Variants in SPECC1L observed in about 807,000 individuals in gnomAD.
The protein encoded by SPECC1L is sperm antigen with calponin homology and coiled-coil domains 1 like, also known as cytospin-A.
A neutral mutation model predicts 116.8 loss-of-function variants in SPECC1L; 40 were observed. That is an observed-to-expected ratio of 0.34 (90% CI 0.27 to 0.45). SPECC1L has a LOEUF of 0.45. Ranked by LOEUF, SPECC1L falls within the 20% of genes least tolerant of loss-of-function variation. SPECC1L has a pLI of 1.00. For synonymous variants in SPECC1L, 504 were observed against 500.6 expected, an observed-to-expected ratio of 1.01 and a Z score of -0.09; for missense variants, 1,110 against 1,373.6, an observed-to-expected ratio of 0.81 and a Z score of 3.03.
intron 10 of SPECC1L, among the ~76,000 whole-genome samples, chr22:24,340,895 G>C (rs995625947): frequency 6.6e-6 from 1 of 152,084 alleles, no homozygotes; most frequent in Non-Finnish European, 1.5e-5. Context: ...GGAGTAACAG[G>C]CTGGATTATT....
chr22:24,363,680 A>T (rs1307938798), intron 12 of SPECC1L, among the ~76,000 whole-genome samples: 1 of 152,140 alleles, frequency 6.6e-6, no homozygotes, highest in East Asian at 1.9e-4. Flanking sequence ...GTTTCCTAGC[A>T]CACCACTTAA....
intron 3 of SPECC1L, among the ~76,000 whole-genome samples, chr22:24,310,126 T>C (rs2040434116): frequency 6.6e-6 from 1 of 152,250 alleles, no homozygotes; most frequent in Non-Finnish European, 1.5e-5. Flanking sequence ...TTTTGCACTC[T>C]GTTAATCTTT....
chr22:24,297,501 G>A (rs1186417051), intron 2 of SPECC1L, among the ~76,000 whole-genome samples: 1 of 152,068 alleles, frequency 6.6e-6, no homozygotes, highest in African/African-American at 2.4e-5. Context: ...AGAGCGAGAT[G>A]TTTATATATA....
chr22:24,398,275 G>T (rs2042404849), intron 14 of SPECC1L, among the ~76,000 whole-genome samples: 1 of 152,154 alleles, frequency 6.6e-6, no homozygotes, highest in Non-Finnish European at 1.5e-5. Flanking sequence ...CAGCTGGAGG[G>T]CCTTACAGAT....
Position 24,414,871 on chromosome 22 carries a change from C to T in SPECC1L, c.*248C>T, listed in dbSNP as rs989293956. 13 of 542,924 alleles carry T rather than the reference C, an allele frequency of 2.4e-5. No homozygotes were observed. The highest frequency in any genetic ancestry group is 5.1e-4 in the Middle Eastern group (1 of 1,960). The allele number at this position is 542,924 out of a possible 1,614,324, so 33.6% of individuals were successfully genotyped here. ...TGGGCTCAGCACACATCCTGCAGGC[C>T]GGTGGCTGCTGGAGTTTTCCTTCTG... On this transcript the variant is annotated 3_prime_UTR_variant, in exon 17 of 17. Coordinates refer to ENST00000314328, the MANE Select transcript of SPECC1L (RefSeq NM_015330.6).
intron 13 of SPECC1L, among the ~76,000 whole-genome samples, chr22:24,366,858 GT>G (rs1367604014): frequency 1.3e-5 from 2 of 152,156 alleles, no homozygotes; most frequent in Non-Finnish European, 2.9e-5. Flanking sequence ...AGCATACGTT[GT>G]TTATAGGGAT....
chr22:24,312,634 T>C (rs2040484625), intron 3 of SPECC1L, among the ~76,000 whole-genome samples: 1 of 152,226 alleles, frequency 6.6e-6, no homozygotes, highest in Non-Finnish European at 1.5e-5. Context: ...ATAATAAATT[T>C]ACAGCCAATT....
chr22:24,408,427 C>T (rs370548026), intron 14 of SPECC1L, among the ~76,000 whole-genome samples: 3 of 152,352 alleles, frequency 2.0e-5, no homozygotes, highest in African/African-American at 4.8e-5. Context: ...ACTGCATCTT[C>T]GTGGCCAGAA....
At chr22:24,341,869 T>C (rs906423323) in intron 10 of SPECC1L, among the ~76,000 whole-genome samples, 4 of 152,228 alleles carry the variant, frequency 2.6e-5, no homozygotes, top group African/African-American at 9.6e-5. Flanking sequence ...CATTAGGAAG[T>C]GTGGGAACAG....
intron 4 of SPECC1L, among the ~76,000 whole-genome samples, chr22:24,319,640 C>T (rs1218306668): frequency 6.6e-6 from 1 of 152,224 alleles, no homozygotes; most frequent in Admixed American, 6.5e-5. Flanking sequence ...TGAACATTCC[C>T]CAGCAGCTTC....
At chr22:24,324,187 CT>C in intron 5 of SPECC1L, 32 bp from the exon 6 acceptor site, 1 of 1,585,474 alleles carries the variant, frequency 6.3e-7, no homozygotes, top group Non-Finnish European at 8.7e-7. Context: ...CAACTCTTAA[CT>C]TTTCTAAATC....
intron 2 of SPECC1L, among the ~76,000 whole-genome samples, chr22:24,295,361 A>G (rs1238421454): frequency 1.3e-5 from 2 of 150,108 alleles, no homozygotes; most frequent in Non-Finnish European, 3.0e-5. Context: ...ATACATGTCA[A>G]TAATTTATTT....
intron 14 of SPECC1L, among the ~76,000 whole-genome samples, chr22:24,384,192 G>C (rs1459008206): frequency 6.6e-6 from 1 of 151,986 alleles, no homozygotes; most frequent in Non-Finnish European, 1.5e-5. Flanking sequence ...AGGGCTAGGA[G>C]TGTCATAAGT....
chr22:24,340,923 G>A (rs986103288), intron 10 of SPECC1L, among the ~76,000 whole-genome samples: 11 of 152,162 alleles, frequency 7.2e-5, no homozygotes, highest in African/African-American at 2.4e-4. Context: ...CACAAACAAC[G>A]ATTAATAGAA....
intron 10 of SPECC1L, among the ~76,000 whole-genome samples, 156 bp downstream of exon 10, chr22:24,338,633 TA>T (rs2041110816): frequency 6.6e-6 from 1 of 152,218 alleles, no homozygotes; most frequent in Admixed American, 6.5e-5. Flanking sequence ...TAAATATCTT[TA>T]ATAGAGATAA....
chr22:24,323,557 T>A (rs1204886052), intron 5 of SPECC1L, among the ~76,000 whole-genome samples: 3 of 152,256 alleles, frequency 2.0e-5, no homozygotes, highest in Non-Finnish European at 4.4e-5. Context: ...ATACCCCATG[T>A]GGTTGCTGAT....
At chr22:24,400,020 G>A (rs990004411) in intron 14 of SPECC1L, among the ~76,000 whole-genome samples, 2 of 152,214 alleles carry the variant, frequency 1.3e-5, no homozygotes, top group East Asian at 1.9e-4. Flanking sequence ...TCCACCTAGT[G>A]TATAGAGTTA....
chr22:24,379,421 A>G (rs970838883), intron 14 of SPECC1L, among the ~76,000 whole-genome samples: 1 of 152,132 alleles, frequency 6.6e-6, no homozygotes, highest in Non-Finnish European at 1.5e-5. Context: ...TCTTGATTAT[A>G]GAACTTTCCC....
intron 13 of SPECC1L, 63 bp downstream of exon 13, chr22:24,365,695 G>C (rs542009710): frequency 6.3e-7 from 1 of 1,577,496 alleles, no homozygotes. Context: ...GACAGTAAAT[G>C]ATCAAGTTGT....
Sources: allele counts gnomAD v4.1 joint callset (sites outside exome capture counted in the v4.1 genomes callset), GRCh38; gene constraint gnomAD v4.1.1; transcripts MANE v1.5; gene names NCBI Gene and HGNC (gene_info 2026-07-23, HGNC 2026-07-21).